Variants in CCNJL observed in about 807,000 individuals in gnomAD.
CCNJL encodes cyclin-J-like protein.
A neutral mutation model predicts 33.4 loss-of-function variants in CCNJL; 33 were observed. The observed-to-expected ratio is 0.99, with a 90% CI of 0.75 to 1.32. The LOEUF (loss-of-function observed/expected upper bound fraction) is 1.32, where lower values mean the gene tolerates loss of function less well. CCNJL is among the 40% of genes most tolerant of loss of function. CCNJL has a pLI of 0.00. For synonymous variants in CCNJL, 227 were observed against 220.9 expected (o/e 1.03, Z -0.24); for missense variants, 512 against 499.7 (o/e 1.02, Z -0.23).
intron 1 of CCNJL, among the ~76,000 whole-genome samples, chr5:160,333,381 C>T (rs188959462): frequency 5.7e-4 from 86 of 152,186 alleles, no homozygotes; most frequent in African/African-American, 2.0e-3. Context: ...ACTTCAGCCT[C>T]CCAAAGTGCT....
At chr5:160,298,498 G>C (rs368482200) in intron 2 of CCNJL, among the ~76,000 whole-genome samples, 13 of 152,278 alleles carry the variant, frequency 8.5e-5, no homozygotes, top group East Asian at 5.8e-4. Flanking sequence ...ACTCTGCTGA[G>C]AGCTGGAGAG....
At position 160,258,420 on chromosome 5, in the gene CCNJL, T is replaced by C. The variant is rs539420073; in HGVS notation, c.583+1049A>G. 348 of 903,612 alleles carry C rather than the reference T, an allele frequency of 3.9e-4. 3 individuals are homozygous for C. In the African/African-American group the frequency reaches 5.1e-3, roughly 13 times the overall value. 56.0% of individuals were successfully genotyped at this position (903,612 alleles called of 1,614,324 possible). On this transcript the variant is annotated intron_variant, in intron 4 of 5. Coordinates refer to ENST00000257536, the MANE Select transcript of CCNJL (RefSeq NM_001308173.3). ...TAAGAAGGCTTCCTGAGAACCTTTA[T>C]AATGACAGGATGTTTCACATGAAGA...
intron 3 of CCNJL, among the ~76,000 whole-genome samples, chr5:160,279,016 GC>G (rs1277012576): frequency 2.0e-5 from 3 of 152,242 alleles, no homozygotes; most frequent in African/African-American, 7.2e-5. Flanking sequence ...GGGGCTATGA[GC>G]CTAAAGCAGC....
rs545598662 is a variant in CCNJL, at chr5:160,311,894, G to C, written c.30C>G (p.Arg10=). MMDEPWWEG[R]VASDVHCTLR... Reference sequence around the variant, plus strand: ...GGGTGCAGTGGACGTCCGAGGCGACGCGCCCTTCCCACCACGGCTCATCCA... The same window carrying C: ...GGGTGCAGTGGACGTCCGAGGCGACCCGCCCTTCCCACCACGGCTCATCCA... The change falls in exon 2 of 6, where the codon CGC becomes CGG. Residue 10 remains arginine (R), a synonymous_variant. Coordinates refer to ENST00000257536, the MANE Select transcript of CCNJL (RefSeq NM_001308173.3). 1.2e-6 allele frequency: 2 copies of C among 1,614,104 alleles called. No individual in the cohort carries two copies. Among genetic ancestry groups the C allele is most frequent in the Non-Finnish European group, 1.7e-6 (2 of 1,179,984 alleles).
chr5:160,309,375 C>T (rs1227762669), intron 2 of CCNJL, among the ~76,000 whole-genome samples: 2 of 152,158 alleles, frequency 1.3e-5, no homozygotes, highest in African/African-American at 4.8e-5. Context: ...ATCTCAACTT[C>T]GCCTCCTGTG....
intron 3 of CCNJL, among the ~76,000 whole-genome samples, chr5:160,263,126 T>G (rs1339428821): frequency 6.6e-6 from 1 of 152,254 alleles, no homozygotes; most frequent in African/African-American, 2.4e-5. Context: ...CTGCCCTTGC[T>G]GACCCTGATC....
intron 4 of CCNJL, among the ~76,000 whole-genome samples, chr5:160,257,949 C>T (rs1761142417): frequency 6.6e-6 from 1 of 151,682 alleles, no homozygotes; most frequent in Non-Finnish European, 1.5e-5. Flanking sequence ...TGGGTTCAAG[C>T]AATTCTCCTG....
At chr5:160,258,559 AAAG>A in intron 4 of CCNJL, 4 of 1,519,920 alleles carry the variant, frequency 2.6e-6, no homozygotes, top group African/African-American at 1.4e-5. Flanking sequence ...TCGGGAAAGA[AAAG>A]AAAGAGCAGA....
At chr5:160,303,486 G>A (rs890466145) in intron 2 of CCNJL, among the ~76,000 whole-genome samples, 13 of 150,360 alleles carry the variant, frequency 8.6e-5, no homozygotes, top group East Asian at 7.9e-4. Context: ...GATTACAGGC[G>A]TAAGCCACTG....
At chr5:160,271,603 C>A (rs182120062) in intron 3 of CCNJL, among the ~76,000 whole-genome samples, 1 of 152,334 alleles carries the variant, frequency 6.6e-6, no homozygotes, top group Non-Finnish European at 1.5e-5. Context: ...CTGTGACATT[C>A]GAGCCCCGTG....
chr5:160,303,702 G>GTGTC (rs1554123410), intron 2 of CCNJL, among the ~76,000 whole-genome samples: 1 of 86,032 alleles, frequency 1.2e-5, no homozygotes, highest in African/African-American at 4.7e-5. Context: ...CTGTGTGTCT[G>GTGTC]TGTGTGTGTG....
At chr5:160,313,019 C>T (rs1246785153), upstream of CCNJL, 10 of 151,728 alleles carry the variant, frequency 6.6e-5, no homozygotes, top group African/African-American at 2.4e-4. Context: ...GATTTCCAAA[C>T]GGACAATTCC....
At chr5:160,259,794 G>A in intron 3 of CCNJL, 23 bp from the exon 4 acceptor site, 2 of 1,578,170 alleles carry the variant, frequency 1.3e-6, no homozygotes. Context: ...AGGGGAAGCA[G>A]GGGTTACTGG....
chr5:160,309,992 C>T (rs1036314756), intron 2 of CCNJL, among the ~76,000 whole-genome samples: 1 of 152,206 alleles, frequency 6.6e-6, no homozygotes, highest in Non-Finnish European at 1.5e-5. Flanking sequence ...GCCGAAGGAA[C>T]ATTTAGGACA....
chr5:160,255,920 G>A (rs865804324), intron 4 of CCNJL, among the ~76,000 whole-genome samples: 14 of 152,100 alleles, frequency 9.2e-5, no homozygotes, highest in Non-Finnish European at 2.9e-5. Flanking sequence ...ACAGGGTCTC[G>A]CTCTGTTGCC....
At chr5:160,283,024 TATAC>T (rs1762291162) in intron 2 of CCNJL, among the ~76,000 whole-genome samples, 2 of 106,244 alleles carry the variant, frequency 1.9e-5, no homozygotes, top group Admixed American at 2.1e-4. Context: ...TATATATATA[TATAC>T]CTAAGAGAAA....
intron 2 of CCNJL, among the ~76,000 whole-genome samples, chr5:160,300,383 T>C (rs1762884974): frequency 6.6e-6 from 1 of 152,138 alleles, no homozygotes; most frequent in African/African-American, 2.4e-5. Flanking sequence ...CCATGAAGCC[T>C]AGAAAGGATT....
At chr5:160,266,352 C>T (rs1325436816) in intron 3 of CCNJL, among the ~76,000 whole-genome samples, 1 of 152,244 alleles carries the variant, frequency 6.6e-6, no homozygotes, top group Non-Finnish European at 1.5e-5. Flanking sequence ...GCTTTTTTCT[C>T]TCAGATTCTT....
intron 2 of CCNJL, among the ~76,000 whole-genome samples, chr5:160,302,024 C>G (rs565630950): frequency 1.3e-5 from 2 of 152,326 alleles, no homozygotes; most frequent in South Asian, 4.1e-4. Flanking sequence ...GCCACCGTGC[C>G]TGGCCTTATG....
Sources: allele counts gnomAD v4.1 joint callset (sites outside exome capture counted in the v4.1 genomes callset), GRCh38; gene constraint gnomAD v4.1.1; transcripts MANE v1.5; gene names NCBI Gene and HGNC (gene_info 2026-07-23, HGNC 2026-07-21).